HERC2: variants seen among roughly 807,000 people sequenced by gnomAD.
HERC2 encodes the protein E3 ubiquitin-protein ligase HERC2.
HERC2 carries 102 observed loss-of-function variants against 537.7 expected under a neutral mutation model. The ratio of observed to expected loss-of-function variants is 0.19; its 90% CI spans 0.16 to 0.22. HERC2 has a LOEUF of 0.22. HERC2 is among the 10% of genes least tolerant of loss of function. The pLI is 1.00. For missense variants in HERC2, 4,236 were observed against 6,198.2 expected, an observed-to-expected ratio of 0.68 and a Z score of 10.63; for synonymous variants, 2,224 against 2,466.2, an observed-to-expected ratio of 0.90 and a Z score of 2.91.
chr15:28,130,593 A>G lies in HERC2; in HGVS notation c.12572T>C (p.Ile4191Thr). 3.1e-6 allele frequency: 5 copies of G among 1,610,038 alleles called. No individual in the cohort carries two copies. Among genetic ancestry groups the G allele is most frequent in the Non-Finnish European group, 3.4e-6 (4 of 1,176,224 alleles). Residue 4191 changes from isoleucine to threonine, a missense_variant and splice_region_variant, in exon 82 of 93, where the codon ATT becomes ACT. Ile to Thr is a moderately conservative substitution (Grantham distance 89). Transcript: ENST00000261609. ...TACTCCAAGACCAGTAAGAGAATCA[A>G]TCTAGAGGGGGAAAAGGTTCAATTA... ...GSDGCKVPMK[I>T]DSLTGLGVVK...
intron 85 of HERC2, among the ~76,000 whole-genome samples, 153 bp downstream of exon 85, chr15:28,123,884 C>T (rs955177259): frequency 6.6e-6 from 1 of 152,194 alleles, no homozygotes; most frequent in South Asian, 2.1e-4. Context: ...ATATAAAGTA[C>T]CCAGAACAGA....
Position 28,125,283 on chromosome 15 carries a change from C to T in HERC2, c.12803-90G>A, listed in dbSNP as rs549322643. 50 of 1,024,018 alleles carry T rather than the reference C, an allele frequency of 4.9e-5. 1 individual carries two copies. The highest frequency in any genetic ancestry group is 3.1e-4 in the South Asian group (22 of 71,994). 63.4% of individuals were successfully genotyped at this position (1,024,018 alleles called of 1,614,324 possible). A position where few individuals can be genotyped will look rare whatever the true frequency, so the allele number is the denominator to read the frequency against. ...GTCTTCCCACCACACACAGCACCAA[C>T]GCTCCCTGCCCTTCAGCTGGTGTTG... On this transcript the variant is annotated intron_variant, in intron 83 of 92. Coordinates refer to ENST00000261609, the MANE Select transcript of HERC2 (RefSeq NM_004667.6).
chr15:28,189,172 C>T (rs970692158), intron 55 of HERC2, among the ~76,000 whole-genome samples: 1 of 152,196 alleles, frequency 6.6e-6, no homozygotes, highest in Non-Finnish European at 1.5e-5. Flanking sequence ...AGGAATGGTA[C>T]AGTCTAGTTC....
chr15:28,218,758 C>G (rs1424901297), intron 37 of HERC2, 87 bp from the exon 38 acceptor site: 2 of 1,168,168 alleles, frequency 1.7e-6, no homozygotes, highest in Admixed American at 1.7e-5. Flanking sequence ...TTTAATATTA[C>G]ATTCTTGTTT....
At chr15:28,120,550 T>G (rs1250322482) in intron 86 of HERC2, among the ~76,000 whole-genome samples, 1 of 152,232 alleles carries the variant, frequency 6.6e-6, no homozygotes, top group African/African-American at 2.4e-5. Context: ...AACTGTGAGT[T>G]TATATACACT....
chr15:28,114,298 C>T (rs1171355310), intron 90 of HERC2, among the ~76,000 whole-genome samples: 1 of 152,186 alleles, frequency 6.6e-6, no homozygotes, highest in Admixed American at 6.5e-5. Flanking sequence ...TGAGACAGCC[C>T]CAGACACAGC....
chr15:28,295,400 G>A (rs867401572), intron 3 of HERC2, among the ~76,000 whole-genome samples: 3 of 152,020 alleles, frequency 2.0e-5, no homozygotes, highest in South Asian at 2.1e-4. Flanking sequence ...TGTATGGTCT[G>A]AAAACAGGGA....
In HERC2 at chr15:28,132,733, C is replaced by A; in HGVS notation, c.12328G>T (p.Gly4110Trp). The A allele has an allele frequency of 6.2e-7, 1 of 1,608,368 alleles. No individual in the cohort carries two copies. The highest frequency in any genetic ancestry group is 8.5e-7 in the Non-Finnish European group (1 of 1,177,644). Residue 4110 changes from glycine to tryptophan, a missense_variant, in exon 80 of 93, where the codon GGG becomes TGG. Physicochemically the swap from Gly to Trp is radical, Grantham distance 184. Coordinates refer to ENST00000261609, the MANE Select transcript of HERC2 (RefSeq NM_004667.6). Reference protein sequence around the residue: ...GAHSACVTAAGDLYTWGKGRY... With the variant: ...GAHSACVTAAWDLYTWGKGRY... ...CCTTTGCCCCATGTGTAGAGGTCCC[C>A]GGCTGCTGTGACACAGGCGCTGTGG...
chr15:28,214,493 G>A (rs1323533573), intron 40 of HERC2, among the ~76,000 whole-genome samples, 162 bp downstream of exon 40: 2 of 151,036 alleles, frequency 1.3e-5, no homozygotes, highest in African/African-American at 2.4e-5. Flanking sequence ...GCAGTACACC[G>A]CTCTTCACCA....
chr15:28,298,823 C>T (rs2076543797), intron 3 of HERC2, among the ~76,000 whole-genome samples: 1 of 151,918 alleles, frequency 6.6e-6, no homozygotes, highest in Non-Finnish European at 1.5e-5. Flanking sequence ...AGAAGAAATA[C>T]TTTCTTCAGA....
chr15:28,249,923 G>C (rs1904117754), intron 20 of HERC2, among the ~76,000 whole-genome samples: 1 of 151,898 alleles, frequency 6.6e-6, no homozygotes, highest in Non-Finnish European at 1.5e-5. Context: ...CCAAAGTGCT[G>C]GGATTACAGG....
chr15:28,288,663 C>T (rs202043474), intron 4 of HERC2, among the ~76,000 whole-genome samples: 155 of 149,400 alleles, frequency 1.0e-3, no homozygotes, highest in South Asian at 7.6e-3. Flanking sequence ...CTGGCAAACA[C>T]AGTGAAACCC....
intron 45 of HERC2, among the ~76,000 whole-genome samples, chr15:28,205,025 T>C (rs1898272175): frequency 6.7e-6 from 1 of 148,706 alleles, no homozygotes. Context: ...AGGAGGACGG[T>C]GGGGTGGGCG....
At chr15:28,262,253 T>C (rs369079040) in intron 15 of HERC2, among the ~76,000 whole-genome samples, 4 of 152,216 alleles carry the variant, frequency 2.6e-5, no homozygotes, top group African/African-American at 7.2e-5. Flanking sequence ...TCCAACATCA[T>C]AGTTTTGATG....
intron 48 of HERC2, 64 bp from the exon 49 acceptor site, chr15:28,198,833 A>T: frequency 7.1e-7 from 1 of 1,407,960 alleles, no homozygotes; most frequent in Non-Finnish European, 9.9e-7. Flanking sequence ...AGCCATGATA[A>T]GTAGTATTAC....
chr15:28,112,046 G>A lies in HERC2; in HGVS notation c.14233-11C>T, dbSNP rs769190475. 3 of 1,610,834 alleles carry A rather than the reference G, an allele frequency of 1.9e-6. No individual in the cohort carries two copies. Among genetic ancestry groups the A allele is most frequent in the Non-Finnish European group, 2.5e-6 (3 of 1,177,304 alleles). ...GTATTTATCCAACACCTGTTGAGCA[G>A]AAACATGAAGTGATTAGAAATTGAG... On this transcript the variant is annotated splice_polypyrimidine_tract_variant and intron_variant, in intron 92 of 92. Coordinates refer to ENST00000261609, the MANE Select transcript of HERC2 (RefSeq NM_004667.6).
chr15:28,285,885 T>G (rs1488912533), intron 4 of HERC2, among the ~76,000 whole-genome samples: 2 of 150,658 alleles, frequency 1.3e-5, no homozygotes, highest in East Asian at 3.9e-4. Flanking sequence ...AATTAGGAAT[T>G]ACTAGGAACA....
chr15:28,304,708 T>TA (rs1320467941), intron 2 of HERC2, among the ~76,000 whole-genome samples: 1 of 150,576 alleles, frequency 6.6e-6, no homozygotes, highest in African/African-American at 2.4e-5. Flanking sequence ...TTCCATTTTT[T>TA]TTTTTTTTTT....
In HERC2 at chr15:28,182,524, GAA is replaced by G. The variant is rs113328328; in HGVS notation, c.8826-14_8826-13del. ...TCTTTCTAATGAGGCTAACCAAACG[GAA>G]AAAAAAAAGAAAAAGAAAAGAGAGG... On this transcript the variant is annotated splice_polypyrimidine_tract_variant and intron_variant, in intron 56 of 92. Coordinates refer to ENST00000261609, the MANE Select transcript of HERC2 (RefSeq NM_004667.6). 7.2e-6 allele frequency: 10 copies of G among 1,379,996 alleles called. No homozygotes were observed. Among genetic ancestry groups the G allele is most frequent in the Admixed American group, 2.2e-5 (1 of 46,292 alleles). The allele number at this position is 1,379,996 out of a possible 1,614,324, so 85.5% of individuals were successfully genotyped here. A position where few individuals can be genotyped will look rare whatever the true frequency, so the allele number is the denominator to read the frequency against.
Sources: allele counts gnomAD v4.1 joint callset (sites outside exome capture counted in the v4.1 genomes callset), GRCh38; gene constraint gnomAD v4.1.1; transcripts MANE v1.5; gene names NCBI Gene and HGNC (gene_info 2026-07-23, HGNC 2026-07-21).